Variants in DEGS2 observed in about 807,000 individuals in gnomAD.
DEGS2 encodes the protein delta 4-desaturase, sphingolipid 2, also known as sphingolipid delta(4)-desaturase/C4-monooxygenase DES2.
Under a neutral mutation model 23.8 loss-of-function variants are expected in DEGS2, and 19 were observed. The observed-to-expected ratio is 0.80, with a 90% CI of 0.56 to 1.17. DEGS2 has a LOEUF of 1.17. Among genes scored for constraint, DEGS2 ranks in the 50% most tolerant of loss-of-function variants. DEGS2 has a pLI of 0.00. For synonymous variants in DEGS2, 218 were observed against 213.7 expected (o/e 1.02, Z -0.18); for missense variants, 390 against 459.5 (o/e 0.85, Z 1.38).
At chr14:100,149,859 C>A in intron 1 of DEGS2, 149 bp from the exon 2 acceptor site, 2 of 829,802 alleles carry the variant, frequency 2.4e-6, no homozygotes, top group South Asian at 3.6e-5. Context: ...AGGCCCTGTC[C>A]CTCGAGGGCC....
chr14:100,159,355 G>A (rs1317752414), intron 1 of DEGS2, 151 bp downstream of exon 1: 2 of 588,182 alleles, frequency 3.4e-6, no homozygotes, highest in African/African-American at 4.0e-5. Context: ...GGAGCCGGCC[G>A]GGGACCCCAG....
the DEGS2 span, among the ~76,000 whole-genome samples, chr14:100,165,964 G>A: frequency 1.1e-5 from 1 of 90,470 alleles, no homozygotes; most frequent in Admixed American, 1.1e-4. Context: ...CTGGGAGAGT[G>A]GGGGGAGCCT....
chr14:100,149,161 T>C lies in DEGS2; in HGVS notation c.632A>G (p.Tyr211Cys). 1.2e-6 allele frequency: 2 copies of C among 1,612,904 alleles called. No individual in the cohort carries two copies. Among genetic ancestry groups the C allele is most frequent in the Non-Finnish European group, 1.7e-6 (2 of 1,179,946 alleles). ...GCCCAGGAAGGAGCTGGCCAGCAGG[T>C]AGACCACGGGCTTGAGCCCCCAAAG... ...FALWGLKPVV[Y>C]LLASSFLGLG... is the part of the protein sequence containing the mutation. Residue 211 changes from tyrosine to cysteine, a missense_variant, in exon 2 of 3, where the codon TAC becomes TGC. By Grantham distance (194) the Tyr-to-Cys change is radical (BLOSUM62 -2). Coordinates refer to ENST00000305631, the MANE Select transcript of DEGS2 (RefSeq NM_206918.3).
upstream of DEGS2, among the ~76,000 whole-genome samples, chr14:100,162,372 AAAATAAAT>A (rs146229259): frequency 0.061 from 9,259 of 150,792 alleles, 589 homozygotes; most frequent in African/African-American, 0.16. Context: ...AAAAATAAAT[AAAATAAAT>A]AAATAAATAA....
rs1889447078 is a variant in DEGS2, at chr14:100,146,489, G to C, written c.*272C>G. On this transcript the variant is annotated 3_prime_UTR_variant, in exon 3 of 3. Transcript: ENST00000305631. ...GAAGTCAGCTCCGTGGGAACCGTGG[G>C]CTCAGAGCACCCAGGTCATGGTGGG... 4.4e-6 allele frequency: 2 copies of C among 456,412 alleles called. No individual in the cohort carries two copies. Among genetic ancestry groups the C allele is most frequent in the African/African-American group, 2.0e-5 (1 of 49,310 alleles). 28.3% of individuals were successfully genotyped at this position (456,412 alleles called of 1,614,324 possible).
chr14:100,154,195 T>A (rs1324955364), intron 1 of DEGS2, among the ~76,000 whole-genome samples: 1 of 151,996 alleles, frequency 6.6e-6, no homozygotes, highest in African/African-American at 2.4e-5. Context: ...TGAAACCCCG[T>A]CTCTACTAAA....
intron 1 of DEGS2, among the ~76,000 whole-genome samples, chr14:100,156,107 G>A (rs1469503156): frequency 6.6e-6 from 1 of 152,222 alleles, no homozygotes; most frequent in Non-Finnish European, 1.5e-5. Flanking sequence ...CTCTTTGCAA[G>A]GACTTCCTGG....
At position 100,146,640 on chromosome 14, in the gene DEGS2, A is replaced by G; in HGVS notation, c.*121T>C. The G allele has an allele frequency of 7.1e-7, 1 of 1,416,294 alleles. No homozygotes were observed. The highest frequency in any genetic ancestry group is 9.5e-7 in the Non-Finnish European group (1 of 1,050,906). The allele number at this position is 1,416,294 out of a possible 1,614,324, so 87.7% of individuals were successfully genotyped here. Reference sequence around the variant, plus strand: ...GTTGCCAGGTGTGGCTGCGCGGGACACTCCTCGGGGACAAGGGCAGCAGTC... The same window carrying G: ...GTTGCCAGGTGTGGCTGCGCGGGACGCTCCTCGGGGACAAGGGCAGCAGTC... On this transcript the variant is annotated 3_prime_UTR_variant, in exon 3 of 3. Transcript: ENST00000305631.
upstream of DEGS2, chr14:100,160,234 C>G (rs1345912981): frequency 1.3e-5 from 2 of 152,322 alleles, no homozygotes; most frequent in East Asian, 3.8e-4. Flanking sequence ...GTCAGACCCA[C>G]TCCTGCCTTC....
upstream of DEGS2, among the ~76,000 whole-genome samples, chr14:100,162,585 TA>T (rs1292030744): frequency 6.6e-6 from 1 of 152,196 alleles, no homozygotes; most frequent in East Asian, 1.9e-4. Flanking sequence ...TAGTTTCTTT[TA>T]AATATAAAGT....
At chr14:100,147,255 C>G (rs1435995085) in intron 2 of DEGS2, among the ~76,000 whole-genome samples, 2 of 152,208 alleles carry the variant, frequency 1.3e-5, no homozygotes, top group Non-Finnish European at 2.9e-5. Context: ...GGGCTCAGCT[C>G]AGAGCGCCTG....
chr14:100,147,594 C>T (rs1595273662), intron 2 of DEGS2, among the ~76,000 whole-genome samples: 2 of 152,014 alleles, frequency 1.3e-5, no homozygotes, highest in African/African-American at 2.4e-5. Context: ...GCCACCACCA[C>T]GCCGCCCCAC....
In DEGS2 at chr14:100,153,383, G is replaced by T. The variant is rs925166775; in HGVS notation, c.83-3673C>A. ...ACACTAATACAGGGCCTCTTCCAGG[G>T]CCTCAAAGAAAGGGGGACAGGGAGA... On this transcript the variant is annotated intron_variant, in intron 1 of 2. Transcript: ENST00000305631. Among the ~76,000 whole-genome samples, 8 of 152,194 alleles carry T rather than the reference G, an allele frequency of 5.3e-5. No individual in the cohort carries two copies. The East Asian group carries it at 1.3e-3, about 26-fold the overall frequency.
upstream of DEGS2, among the ~76,000 whole-genome samples, chr14:100,160,485 G>A (rs890255763): frequency 1.1e-4 from 17 of 152,208 alleles, no homozygotes; most frequent in African/African-American, 4.1e-4. Context: ...TTCTCAAATG[G>A]AAAGTCTAGT....
At chr14:100,149,912 G>T (rs1889537788) in intron 1 of DEGS2, among the ~76,000 whole-genome samples, 1 of 152,238 alleles carries the variant, frequency 6.6e-6, no homozygotes, top group Admixed American at 6.5e-5. Flanking sequence ...ACCAGACTCA[G>T]AGGGCAGGAC....
At chr14:100,152,723 C>CCACCGT (rs1338430135) in intron 1 of DEGS2, among the ~76,000 whole-genome samples, 1 of 152,194 alleles carries the variant, frequency 6.6e-6, no homozygotes, top group Non-Finnish European at 1.5e-5. Flanking sequence ...ACTGAGGGTT[C>CCACCGT]CACCGTCGAG....
intron 1 of DEGS2, among the ~76,000 whole-genome samples, chr14:100,151,945 C>T (rs1043944511): frequency 6.6e-6 from 1 of 152,146 alleles, no homozygotes; most frequent in Non-Finnish European, 1.5e-5. Flanking sequence ...CAGGAACACT[C>T]GGGACCACGC....
Position 100,144,611 on chromosome 14 carries a change from T to G in DEGS2, c.*2150A>C, listed in dbSNP as rs1889401122. 2 of 152,314 alleles carry G rather than the reference T, an allele frequency of 1.3e-5. No individual in the cohort carries two copies. Among genetic ancestry groups the G allele is most frequent in the Admixed American group, 6.5e-5 (1 of 15,286 alleles). 9.4% of individuals were successfully genotyped at this position (152,314 alleles called of 1,614,324 possible). ...AGGCAAATGCAAGGCAGCTTTGCCT[T>G]CTCCTCGGCCCCACAAAGTCTCCTG... On this transcript the variant is annotated 3_prime_UTR_variant, in exon 3 of 3. Coordinates refer to ENST00000305631, the MANE Select transcript of DEGS2 (RefSeq NM_206918.3).
intron 1 of DEGS2, among the ~76,000 whole-genome samples, chr14:100,156,794 G>A (rs181695332): frequency 6.7e-6 from 1 of 149,940 alleles, no homozygotes; most frequent in South Asian, 2.1e-4. Context: ...GCAAGACAGA[G>A]CCTGGCAGAG....
Sources: gnomAD v4.1 joint callset for allele counts (sites outside exome capture counted in the v4.1 genomes callset) on GRCh38, gnomAD v4.1.1 for gene constraint, MANE v1.5 for transcripts, NCBI Gene and HGNC (gene_info 2026-07-23, HGNC 2026-07-21) for gene names.